The following CENPX variants were observed in gnomAD, a reference collection of about 807,000 sequenced individuals.
CENPX encodes centromere protein X, also known as FANCM associated histone fold protein 2.
A neutral mutation model predicts 13.2 loss-of-function variants in CENPX; 13 were observed. That is an observed-to-expected ratio of 0.98 (90% CI 0.64 to 1.56). The LOEUF (loss-of-function observed/expected upper bound fraction) is 1.56. CENPX is among the 40% of genes most tolerant of loss of function. The pLI, the probability that CENPX is intolerant of heterozygous loss-of-function variation, is 0.00. For missense variants in CENPX, 138 were observed against 107.5 expected, an observed-to-expected ratio of 1.28 and a Z score of -1.26; for synonymous variants, 66 against 47.2, an observed-to-expected ratio of 1.40 and a Z score of -1.63.
At chr17:82,019,520 GGCTCAGGAGACCCAAGTTTA>G (rs1447726383) in intron 3 of CENPX, 101 bp downstream of exon 3, 3 of 1,531,980 alleles carry the variant, frequency 2.0e-6, no homozygotes, top group Admixed American at 2.0e-5. Context: ...CTGACAAACA[GGCTCAGGAGACCCAAGTTTA>G]GGCCCTTGTG....
At chr17:82,019,477 C>A in intron 3 of CENPX, 96 bp from the exon 4 acceptor site, 1 of 1,509,284 alleles carries the variant, frequency 6.6e-7, no homozygotes. Context: ...CCCCCAACAC[C>A]CACGGGCAGC....
chr17:82,022,683 G>A (rs2043310636), intron 1 of CENPX, 143 bp downstream of exon 1: 3 of 988,364 alleles, frequency 3.0e-6, no homozygotes, highest in Admixed American at 2.5e-5. Flanking sequence ...CGCGCGGCCC[G>A]GCCGGAGATG....
At position 82,018,823 on chromosome 17, in the gene CENPX, G is replaced by A. The variant is rs887115661; in HGVS notation, c.*382C>T. The stretch of plus-strand genomic sequence containing the variant: ...AGGTCACACGCCAGCTTTGATGTCG[G>A]GTGGCAGGAATGTGGGCAGGAGGCA... On this transcript the variant is annotated 3_prime_UTR_variant, in exon 5 of 5. Transcript: ENST00000392359. 16 of 319,506 alleles carry A rather than the reference G, an allele frequency of 5.0e-5. No homozygotes were observed. Among genetic ancestry groups the A allele is most frequent in the African/African-American group, 3.4e-4 (16 of 47,474 alleles). The allele number at this position is 319,506 out of a possible 1,614,324, so 19.8% of individuals were successfully genotyped here. A position where few individuals can be genotyped will look rare whatever the true frequency, so the allele number is the denominator to read the frequency against.
chr17:82,022,810 G>T lies in CENPX; in HGVS notation c.36+16C>A. On this transcript the variant is annotated intron_variant, in intron 1 of 4. Coordinates refer to ENST00000392359, the MANE Select transcript of CENPX (RefSeq NM_001271006.2). The stretch of plus-strand genomic sequence containing the variant: ...GAGCGTCCGCGCCTGCCTAGCCCCT[G>T]CCCTCCGGCCCTCACCTTCCGGAAG... The T allele has an allele frequency of 1.3e-6, 2 of 1,580,622 alleles. No homozygotes were observed.
intron 1 of CENPX, among the ~76,000 whole-genome samples, chr17:82,022,456 T>C (rs2043304956): frequency 6.6e-6 from 1 of 152,144 alleles, no homozygotes; most frequent in Admixed American, 6.5e-5. Context: ...GATCTCACTG[T>C]CCCCGTCCTG....
In CENPX at chr17:82,019,187, C is replaced by T; in HGVS notation, c.*18G>A. Reference sequence around the variant, plus strand: ...CCAGGGGCTCCTCTGGGGGTGGCCTCAGCCACGGCTGAGATCCCTAGAAGT... The same window carrying T: ...CCAGGGGCTCCTCTGGGGGTGGCCTTAGCCACGGCTGAGATCCCTAGAAGT... On this transcript the variant is annotated 3_prime_UTR_variant, in exon 5 of 5. Coordinates refer to ENST00000392359, the MANE Select transcript of CENPX (RefSeq NM_001271006.2). 1 of 1,553,014 alleles carries T rather than the reference C, an allele frequency of 6.4e-7. No homozygotes were observed. Among genetic ancestry groups the T allele is most frequent in the African/African-American group, 1.4e-5 (1 of 73,370 alleles).
At position 82,019,839 on chromosome 17, in the gene CENPX, C is replaced by T; in HGVS notation, c.88+19G>A. 1.9e-6 allele frequency: 3 copies of T among 1,591,732 alleles called. No individual in the cohort carries two copies. On this transcript the variant is annotated intron_variant, in intron 2 of 4. Transcript: ENST00000392359. ...GACAGACACGGGGACCCACCTCCCGCCCGCACCCCCACCCGCACCTTTGGT... is the reference window on the plus strand; with the variant it reads ...GACAGACACGGGGACCCACCTCCCGTCCGCACCCCCACCCGCACCTTTGGT...
chr17:82,019,668 CCAT>C lies in CENPX; in HGVS notation c.112_114del (p.Met38del). Reference sequence around the variant, plus strand: ...ACAACGAAGACCTTCAGCAACTCCACCATGAGCTGCAGCGCGTCCCCGCTCACT... The same window carrying C: ...ACAACGAAGACCTTCAGCAACTCCACGAGCTGCAGCGCGTCCCCGCTCACT... On this transcript the variant is annotated inframe_deletion, in exon 3 of 5. Transcript: ENST00000392359. 2 of 1,550,338 alleles carry C rather than the reference CCAT, an allele frequency of 1.3e-6. No homozygotes were observed. Among genetic ancestry groups the C allele is most frequent in the Non-Finnish European group, 1.7e-6 (2 of 1,146,974 alleles).
In CENPX at chr17:82,019,872, T is replaced by A; in HGVS notation, c.74A>T (p.Asp25Val). Residue 25 changes from aspartate (D) to valine (V), a missense_variant, in exon 2 of 5, where the codon GAT (aspartate) becomes GTT (valine). Asp to Val is a radical substitution (Grantham distance 152). Transcript: ENST00000392359. Reference protein sequence around the residue: ...VSRLLHLHFKDDKTKVSGDAL... With the variant: ...VSRLLHLHFKVDKTKVSGDAL... ...CCCACCCGCACCTTTGGTCTTGTCATCCTTGAAGTGCAGGTGCAGCAGCCT... is the reference window on the plus strand; with the variant it reads ...CCCACCCGCACCTTTGGTCTTGTCAACCTTGAAGTGCAGGTGCAGCAGCCT... The A allele has an allele frequency of 6.8e-7, 1 of 1,470,756 alleles. No homozygotes were observed. Among genetic ancestry groups the A allele is most frequent in the Non-Finnish European group, 9.3e-7 (1 of 1,075,018 alleles). 91.1% of individuals were successfully genotyped at this position (1,470,756 alleles called of 1,614,324 possible).
rs549553550 is a variant in CENPX, at chr17:82,019,761, C to T, written c.89-67G>A. ...CTCTGGCTGGGTGCTCCAGACATAC[C>T]CCCGCCCTCCCGAGGCCTTGGCCCT... On this transcript the variant is annotated intron_variant, in intron 2 of 4. Transcript: ENST00000392359. 6.5e-5 allele frequency: 101 copies of T among 1,549,940 alleles called. No individual in the cohort carries two copies. In the South Asian group the frequency reaches 1.2e-3, roughly 18 times the overall value.
intron 2 of CENPX, 27 bp downstream of exon 2, chr17:82,019,831 A>AACC: frequency 6.4e-7 from 1 of 1,559,298 alleles, no homozygotes; most frequent in Non-Finnish European, 8.8e-7. Flanking sequence ...ACGGGGACCC[A>AACC]CCTCCCGCCC....
At chr17:82,021,051 C>T (rs1007716267) in intron 1 of CENPX, among the ~76,000 whole-genome samples, 2 of 152,222 alleles carry the variant, frequency 1.3e-5, no homozygotes, top group African/African-American at 4.8e-5. Flanking sequence ...CAGAAACAGG[C>T]CACTAAAAGG....
At chr17:82,020,942 T>C in intron 1 of CENPX, among the ~76,000 whole-genome samples, 1 of 151,490 alleles carries the variant, frequency 6.6e-6, no homozygotes, top group East Asian at 1.9e-4. Context: ...TGAGACTCAG[T>C]GAGGTGGCCC....
Position 82,019,690 on chromosome 17 carries a change from G to T in CENPX, c.93C>A (p.Ser31Arg). Residue 31 changes from serine (S) to arginine (R), a missense_variant, in exon 3 of 5, where the codon AGC becomes AGA. Physicochemically the swap from Ser to Arg is moderately radical, Grantham distance 110. Transcript: ENST00000392359. ...LHFKDDKTKV[S>R]GDALQLMVEL... ...CCACCATGAGCTGCAGCGCGTCCCC[G>T]CTCACTGCAAGGCAGGGGGAGGTTA... The T allele has an allele frequency of 6.5e-7, 1 of 1,550,252 alleles. No individual in the cohort carries two copies. The highest frequency in any genetic ancestry group is 8.7e-7 in the Non-Finnish European group (1 of 1,146,948).
chr17:82,020,165 T>C (rs2043256391), intron 1 of CENPX, among the ~76,000 whole-genome samples: 1 of 151,844 alleles, frequency 6.6e-6, no homozygotes, highest in Non-Finnish European at 1.5e-5. Flanking sequence ...ACGGCGTGAG[T>C]GGTCGCAGAC....
Position 82,018,984 on chromosome 17 carries a change from C to T in CENPX, c.*221G>A, listed in dbSNP as rs2043220790. The T allele has an allele frequency of 3.7e-6, 2 of 535,898 alleles. No individual in the cohort carries two copies. The highest frequency in any genetic ancestry group is 1.9e-5 in the African/African-American group (1 of 51,334). The allele number at this position is 535,898 out of a possible 1,614,324, so 33.2% of individuals were successfully genotyped here. A position where few individuals can be genotyped will look rare whatever the true frequency, so the allele number is the denominator to read the frequency against. ...GAGGCAGGGACTCCCCAGGTGCTGC[C>T]CCTTCCCACACCAGTGTCCCCACTG... On this transcript the variant is annotated 3_prime_UTR_variant, in exon 5 of 5. Transcript: ENST00000392359.
intron 3 of CENPX, 21 bp downstream of exon 3, chr17:82,019,620 G>T (rs746382116): frequency 9.7e-5 from 150 of 1,550,162 alleles, no homozygotes; most frequent in Non-Finnish European, 1.2e-4. Flanking sequence ...TGCCCGGAGG[G>T]AGCGTGGGCC....
intron 1 of CENPX, 112 bp downstream of exon 1, chr17:82,022,714 C>T (rs2144131789): frequency 7.5e-7 from 1 of 1,326,062 alleles, no homozygotes; most frequent in South Asian, 1.3e-5. Context: ...ACGGGCCCAA[C>T]CTCAAAGGCA....
Position 82,022,844 on chromosome 17 carries a change from A to T in CENPX, c.18T>A (p.Ala6=), listed in dbSNP as rs758997627. The change falls in exon 1 of 5, where the codon GCT becomes GCA. Residue 6 remains alanine (A), a synonymous_variant. Transcript: ENST00000392359. The part of the protein sequence containing the change: MEGAG[A]GSGFRKELVS... Reference sequence around the variant, plus strand: ...CCCTCACCTTCCGGAAGCCGGATCCAGCTCCTGCTCCCTCCATGACCGCAG... The same window carrying T: ...CCCTCACCTTCCGGAAGCCGGATCCTGCTCCTGCTCCCTCCATGACCGCAG... 1.3e-6 allele frequency: 2 copies of T among 1,593,218 alleles called. No individual in the cohort carries two copies. Among genetic ancestry groups the T allele is most frequent in the Non-Finnish European group, 1.7e-6 (2 of 1,172,602 alleles).
Sources: allele counts gnomAD v4.1 joint callset (sites outside exome capture counted in the v4.1 genomes callset), GRCh38; gene constraint gnomAD v4.1.1; transcripts MANE v1.5; gene names NCBI Gene and HGNC (gene_info 2026-07-23, HGNC 2026-07-21).